Variants in KATNAL1 observed in about 807,000 individuals in gnomAD.
KATNAL1 encodes katanin p60 ATPase-containing subunit A-like 1.
A neutral mutation model predicts 55.2 loss-of-function variants in KATNAL1; 32 were observed. That is an observed-to-expected ratio of 0.58 (90% CI 0.44 to 0.78). The LOEUF (loss-of-function observed/expected upper bound fraction) is 0.78. KATNAL1 is among the 30% of genes least tolerant of loss of function. KATNAL1 has a pLI of 0.00. For synonymous variants in KATNAL1, 193 were observed against 193.6 expected, an observed-to-expected ratio of 1.00 and a Z score of 0.02; for missense variants, 466 against 600.9, an observed-to-expected ratio of 0.78 and a Z score of 2.35.
At chr13:30,229,541 G>C (rs1265099449) in intron 8 of KATNAL1, among the ~76,000 whole-genome samples, 1 of 152,118 alleles carries the variant, frequency 6.6e-6, no homozygotes, top group Admixed American at 6.5e-5. Context: ...GAAACATGGA[G>C]AGACCCTGTC....
Position 30,231,793 on chromosome 13 carries a change from G to A in KATNAL1, c.727-321C>T, listed in dbSNP as rs2277449. 8.5e-5 allele frequency among the ~76,000 whole-genome samples: 13 copies of A among 152,200 alleles called. No individual in the cohort carries two copies. The East Asian group carries it at 2.1e-3, about 25-fold the overall frequency. ...ACATATACATATAATATTCAGCACT[G>A]CTTAAAAGCAACTGTTCTGTTTACA... On this transcript the variant is annotated intron_variant, in intron 6 of 10. Transcript: ENST00000380615.
chr13:30,227,097 G>GTA (rs1875563540), intron 9 of KATNAL1, among the ~76,000 whole-genome samples: 3 of 66,334 alleles, frequency 4.5e-5, no homozygotes, highest in Non-Finnish European at 8.7e-5. Context: ...ATAAATATGT[G>GTA]TACACACACA....
In KATNAL1 at chr13:30,222,525, A is replaced by G. The variant is rs142530327; in HGVS notation, c.1147+4887T>C. Reference sequence around the variant, plus strand: ...TCTCGCAGGAAGTCACAGTTAATACATGGACCAGAACTACAGTCATCCAAG... The same window carrying G: ...TCTCGCAGGAAGTCACAGTTAATACGTGGACCAGAACTACAGTCATCCAAG... On this transcript the variant is annotated intron_variant, in intron 9 of 10. Transcript: ENST00000380615. 2.7e-4 allele frequency among the ~76,000 whole-genome samples: 41 copies of G among 152,326 alleles called. 1 individual carries two copies. The East Asian group carries it at 6.7e-3, about 25-fold the overall frequency.
intron 3 of KATNAL1, among the ~76,000 whole-genome samples, chr13:30,264,499 G>C (rs1357852302): frequency 6.7e-6 from 1 of 150,354 alleles, no homozygotes; most frequent in African/African-American, 2.5e-5. Flanking sequence ...CTAATATCCA[G>C]AATCTACAAT....
intron 1 of KATNAL1, among the ~76,000 whole-genome samples, chr13:30,290,483 C>T (rs148826499): frequency 2.4e-3 from 359 of 152,240 alleles, no homozygotes; most frequent in Non-Finnish European, 4.3e-3. Flanking sequence ...AGTAGTTAAT[C>T]GGAATACTCC....
intron 3 of KATNAL1, among the ~76,000 whole-genome samples, chr13:30,274,892 C>A (rs1462897918): frequency 2.3e-5 from 2 of 88,146 alleles, no homozygotes; most frequent in East Asian, 7.9e-4. Context: ...CACACACATA[C>A]GCGCGCGCGC....
rs767220275 is a variant in KATNAL1 at position 30,227,413 on chromosome 13, T to A, written c.1146A>T (p.Thr382=). The change falls in exon 9 of 11, where the codon ACA becomes ACT. Residue 382 remains threonine (T), a splice_region_variant and synonymous_variant. Coordinates refer to ENST00000380615, the MANE Select transcript of KATNAL1 (RefSeq NM_032116.5). ...LEKRIYIPLP[T]AKGRAELLKI... is the part of the protein sequence containing the mutation. The stretch of plus-strand genomic sequence containing the variant: ...CTCAAAATAGAGAAGACATCATACC[T>A]GTTGGGAGAGGTATATATATCCTTT... 1 of 1,613,444 alleles carries A rather than the reference T, an allele frequency of 6.2e-7. No homozygotes were observed. Among genetic ancestry groups the A allele is most frequent in the East Asian group, 2.2e-5 (1 of 44,842 alleles).
At chr13:30,228,557 C>T (rs1313035102) in intron 8 of KATNAL1, among the ~76,000 whole-genome samples, 1 of 152,174 alleles carries the variant, frequency 6.6e-6, no homozygotes, top group Non-Finnish European at 1.5e-5. Context: ...TTTTAAACAC[C>T]TAATGTTTTC....
intron 3 of KATNAL1, among the ~76,000 whole-genome samples, chr13:30,274,562 T>C (rs76513907): frequency 0.02 from 3,079 of 152,290 alleles, 41 homozygotes; most frequent in Non-Finnish European, 0.032. Flanking sequence ...TTCAGGCTTG[T>C]GTGTCCTGTT....
chr13:30,248,663 G>A (rs1410007274), intron 4 of KATNAL1, among the ~76,000 whole-genome samples: 5 of 152,334 alleles, frequency 3.3e-5, no homozygotes, highest in East Asian at 3.9e-4. Flanking sequence ...AATGGCTCAC[G>A]CCTGGATTCC....
At chr13:30,232,487 A>AT (rs1265766004) in intron 6 of KATNAL1, among the ~76,000 whole-genome samples, 1 of 152,034 alleles carries the variant, frequency 6.6e-6, no homozygotes, top group Non-Finnish European at 1.5e-5. Flanking sequence ...TTACAAAAAT[A>AT]TTTTTTTGCT....
chr13:30,259,039 C>T (rs1213634720), intron 3 of KATNAL1, among the ~76,000 whole-genome samples: 2 of 152,142 alleles, frequency 1.3e-5, no homozygotes, highest in Non-Finnish European at 2.9e-5. Context: ...TGCTATACAA[C>T]GTAAAAGGCT....
intron 3 of KATNAL1, among the ~76,000 whole-genome samples, chr13:30,269,356 T>C (rs1055285331): frequency 1.2e-4 from 18 of 152,350 alleles, no homozygotes; most frequent in Non-Finnish European, 8.8e-5. Context: ...GGTGCCGGGA[T>C]TGCAGACGGA....
At chr13:30,279,836 T>C (rs2137529223) in intron 3 of KATNAL1, among the ~76,000 whole-genome samples, 2 of 152,356 alleles carry the variant, frequency 1.3e-5, no homozygotes. Context: ...AATAGGCATC[T>C]ATTGTTATTA....
intron 9 of KATNAL1, 165 bp from the exon 10 acceptor site, chr13:30,210,607 T>A: frequency 3.6e-6 from 1 of 281,562 alleles, no homozygotes; most frequent in Non-Finnish European, 6.5e-6. Flanking sequence ...ACTCATGGAA[T>A]CATTTAAATT....
chr13:30,307,282 C>T (rs938824390), intron 1 of KATNAL1, 49 bp downstream of exon 1: 2 of 152,600 alleles, frequency 1.3e-5, no homozygotes, highest in African/African-American at 2.4e-5. Flanking sequence ...GGCTAGAGCC[C>T]TCCACCACCT....
At position 30,210,459 on chromosome 13, in the gene KATNAL1, G is replaced by A; in HGVS notation, c.1148-17C>T. 3 of 1,592,904 alleles carry A rather than the reference G, an allele frequency of 1.9e-6. No homozygotes were observed. The highest frequency in any genetic ancestry group is 2.3e-5 in the South Asian group (2 of 86,684). On this transcript the variant is annotated splice_polypyrimidine_tract_variant and intron_variant, in intron 9 of 10. Transcript: ENST00000380615. ...TTCCTTTTGCTGTTACAAGATTTTG[G>A]TGGTGTTGTTAGATGTTTTACTTTA...
rs567649703 is a variant in KATNAL1, at chr13:30,223,065, C to T, written c.1147+4347G>A. ...AGCCCAGATCGCGCCACTGCACTCC[C>T]GCCTGGGCAACAGAGTGAGGCTCCG... On this transcript the variant is annotated intron_variant, in intron 9 of 10. Coordinates refer to ENST00000380615, the MANE Select transcript of KATNAL1 (RefSeq NM_032116.5). Among the ~76,000 whole-genome samples, 34 of 143,932 alleles carry T rather than the reference C, an allele frequency of 2.4e-4. 1 individual carries two copies. In the South Asian group the frequency reaches 4.4e-3, roughly 19 times the overall value. 94.4% of individuals were successfully genotyped at this position (143,932 alleles called of 152,430 possible).
intron 3 of KATNAL1, among the ~76,000 whole-genome samples, chr13:30,261,161 C>T (rs940952859): frequency 2.6e-5 from 4 of 152,036 alleles, no homozygotes; most frequent in Non-Finnish European, 5.9e-5. Flanking sequence ...TACAGACAAG[C>T]AAATGCTGAG....
Sources: gnomAD v4.1 joint callset for allele counts (sites outside exome capture counted in the v4.1 genomes callset) on GRCh38, gnomAD v4.1.1 for gene constraint, MANE v1.5 for transcripts, NCBI Gene and HGNC (gene_info 2026-07-23, HGNC 2026-07-21) for gene names.